Variants in KIF13A observed in about 807,000 individuals in gnomAD.
KIF13A encodes kinesin family member 13A.
In KIF13A, 79 loss-of-function variants were observed where a neutral mutation model predicts 212.2. That is an observed-to-expected ratio of 0.37 (90% CI 0.31 to 0.45). The LOEUF (loss-of-function observed/expected upper bound fraction) is 0.45, where lower values mean the gene tolerates loss of function less well. KIF13A is among the 20% of genes least tolerant of loss of function. The pLI, the probability that KIF13A is intolerant of heterozygous loss-of-function variation, is 1.00. For synonymous variants in KIF13A, 789 were observed against 808.6 expected (o/e 0.98, Z 0.41); for missense variants, 1,901 against 2,209.0 (o/e 0.86, Z 2.79).
rs370773445 is a variant in KIF13A at position 17,771,875 on chromosome 6, A to G, written c.4476+33T>C. 6.8e-6 allele frequency: 11 copies of G among 1,611,060 alleles called. No individual in the cohort carries two copies. In the African/African-American group the frequency reaches 1.2e-4, roughly 18 times the overall value. ...TTCACAGGTGACACAACTCTGCTCT[A>G]TTCTGCATAGTACAGACAAGTCAAG... On this transcript the variant is annotated intron_variant, in intron 37 of 38. Coordinates refer to ENST00000259711, the MANE Select transcript of KIF13A (RefSeq NM_022113.6). The surrounding 1 kb of genome is among the most constrained non-coding windows in gnomAD (Gnocchi z 5.4).
At chr6:17,921,440 AC>A (rs1775061974) in intron 2 of KIF13A, among the ~76,000 whole-genome samples, 1 of 152,246 alleles carries the variant, frequency 6.6e-6, no homozygotes, top group African/African-American at 2.4e-5. Flanking sequence ...TCAGAGACCT[AC>A]TTTTAAAAAT....
intron 16 of KIF13A, among the ~76,000 whole-genome samples, chr6:17,824,572 A>G (rs1272507235): frequency 1.3e-5 from 2 of 152,096 alleles, no homozygotes; most frequent in East Asian, 3.9e-4. Context: ...AGCCTGCCTT[A>G]ACACGGTGAA....
At chr6:17,929,237 T>TG (rs974886208) in intron 2 of KIF13A, among the ~76,000 whole-genome samples, 24 of 151,274 alleles carry the variant, frequency 1.6e-4, no homozygotes, top group African/African-American at 5.8e-4. Context: ...AGAGACAAGG[T>TG]GGGGGGCGCA....
intron 3 of KIF13A, among the ~76,000 whole-genome samples, chr6:17,889,877 G>A (rs1223125761): frequency 6.6e-6 from 1 of 152,122 alleles, no homozygotes; most frequent in Non-Finnish European, 1.5e-5. Context: ...CTTAGCGCCA[G>A]GCATTGTGGC....
rs1013466744 is a variant in KIF13A, at chr6:17,843,563, G to T, written c.830+5814C>A. Among the ~76,000 whole-genome samples the T allele has an allele frequency of 7.2e-5, 11 of 152,148 alleles. No homozygotes were observed. The highest frequency in any genetic ancestry group is 5.9e-5 in the Non-Finnish European group (4 of 68,038). ...TACCACAGATATGGATACGATGTTT[G>T]GAATGATAGAGCTATCCTGAGATCA... On this transcript the variant is annotated intron_variant, in intron 9 of 38. Transcript: ENST00000259711. The surrounding 1 kb of genome is among the most constrained non-coding windows in gnomAD (Gnocchi z 5.3).
chr6:17,894,614 A>G (rs904142024), intron 3 of KIF13A, among the ~76,000 whole-genome samples: 27 of 152,114 alleles, frequency 1.8e-4, no homozygotes, highest in African/African-American at 5.3e-4. Flanking sequence ...TGTTTCCCCA[A>G]TTATTAACAT....
chr6:17,761,544 C>T (rs974999925), downstream of KIF13A, among the ~76,000 whole-genome samples: 2 of 152,004 alleles, frequency 1.3e-5, no homozygotes, highest in African/African-American at 2.4e-5. Flanking sequence ...CCACCACTGC[C>T]GGCTAATTTT....
chr6:17,806,329 T>C (rs1762947142), intron 18 of KIF13A, among the ~76,000 whole-genome samples: 1 of 152,186 alleles, frequency 6.6e-6, no homozygotes, highest in African/African-American at 2.4e-5. Flanking sequence ...ATCATGTCTG[T>C]TTCAAGGTTT....
intron 33 of KIF13A, among the ~76,000 whole-genome samples, 180 bp downstream of exon 33, chr6:17,778,767 A>G (rs1208670347): frequency 6.6e-6 from 1 of 152,214 alleles, no homozygotes; most frequent in Non-Finnish European, 1.5e-5. Context: ...GGGTTATTCA[A>G]TAAAAGTTAG....
chr6:17,941,454 C>T (rs546113923), intron 2 of KIF13A, among the ~76,000 whole-genome samples: 5 of 152,168 alleles, frequency 3.3e-5, no homozygotes, highest in Admixed American at 2.0e-4. Context: ...CCTCAGAATG[C>T]GACATCTGGA....
At position 17,805,352 on chromosome 6, in the gene KIF13A, G is replaced by A. The variant is rs60918508; in HGVS notation, c.2304+123C>T. On this transcript the variant is annotated intron_variant, in intron 19 of 38. Transcript: ENST00000259711. ...TTATTTTCCTAATATAATATCTAAC[G>A]TATCATGAGCACATCTCCGTGTGTG... The A allele has an allele frequency of 2.2e-3, 1,852 of 847,424 alleles. 28 individuals are homozygous for A. In the African/African-American group the frequency reaches 0.029, roughly 13 times the overall value. 52.5% of individuals were successfully genotyped at this position (847,424 alleles called of 1,614,324 possible). A position where few individuals can be genotyped will look rare whatever the true frequency, so the allele number is the denominator to read the frequency against.
intron 9 of KIF13A, among the ~76,000 whole-genome samples, chr6:17,840,165 A>G (rs1766373485): frequency 6.6e-6 from 1 of 152,212 alleles, no homozygotes; most frequent in Admixed American, 6.5e-5. Flanking sequence ...TGATGGCGGT[A>G]CAACTCTGAA....
chr6:17,785,549 G>A lies in KIF13A; in HGVS notation c.3454C>T (p.Pro1152Ser). 2 of 1,596,026 alleles carry A rather than the reference G, an allele frequency of 1.3e-6. No individual in the cohort carries two copies. Among genetic ancestry groups the A allele is most frequent in the Non-Finnish European group, 1.7e-6 (2 of 1,172,134 alleles). Reference sequence around the variant, plus strand: ...GGTGCCCCAGGAATCCCACTGCCTGGGGCTGGCACCAGCACAGCATTCCTT... The same window carrying A: ...GGTGCCCCAGGAATCCCACTGCCTGAGGCTGGCACCAGCACAGCATTCCTT... ...EERNAVLVPA[P>S]GSGIPGAPAD... Residue 1152 changes from proline (P) to serine (S), a missense_variant, in exon 28 of 39, where the codon CCA becomes TCA. Physicochemically the swap from Pro to Ser is moderately conservative, Grantham distance 74. Around this residue, in one of 5 missense-constraint regions of KIF13A, gnomAD observed 168 missense variants for 250.9 expected, o/e 0.67. Coordinates refer to ENST00000259711, the MANE Select transcript of KIF13A (RefSeq NM_022113.6). This position sits in a 1 kb window ranked among gnomAD's most constrained non-coding sequence, Gnocchi z 5.8.
chr6:17,964,771 T>C (rs1779147364), intron 2 of KIF13A, among the ~76,000 whole-genome samples: 1 of 152,150 alleles, frequency 6.6e-6, no homozygotes, highest in Non-Finnish European at 1.5e-5. Flanking sequence ...TTTGATTTTA[T>C]CCCAGATAAC....
chr6:17,948,072 T>C (rs1466101380), intron 2 of KIF13A, among the ~76,000 whole-genome samples: 1 of 152,232 alleles, frequency 6.6e-6, no homozygotes, highest in Non-Finnish European at 1.5e-5. Flanking sequence ...GAAACATCAT[T>C]TAATACTGAG....
rs866880509 is a variant in KIF13A, at chr6:17,968,150, T to C, written c.146+18904A>G. 3.9e-5 allele frequency among the ~76,000 whole-genome samples: 6 copies of C among 152,102 alleles called. No homozygotes were observed. The highest frequency in any genetic ancestry group is 7.4e-5 in the Non-Finnish European group (5 of 68,022). Reference sequence around the variant, plus strand: ...AACTGCCACAAGAGTAAGCAGAAGCTGCAGCATCAACCCAATGGCCAATTA... The same window carrying C: ...AACTGCCACAAGAGTAAGCAGAAGCCGCAGCATCAACCCAATGGCCAATTA... On this transcript the variant is annotated intron_variant, in intron 2 of 38. Transcript: ENST00000259711. This position sits in a 1 kb window ranked among gnomAD's most constrained non-coding sequence, Gnocchi z 4.7.
chr6:17,819,707 G>A (rs1238002376), intron 16 of KIF13A, among the ~76,000 whole-genome samples: 2 of 152,068 alleles, frequency 1.3e-5, no homozygotes, highest in Non-Finnish European at 2.9e-5. Flanking sequence ...CAGAACTTCT[G>A]ACAAACTCCT....
intron 31 of KIF13A, among the ~76,000 whole-genome samples, chr6:17,780,085 T>G (rs1760422733): frequency 6.6e-6 from 1 of 152,148 alleles, no homozygotes; most frequent in Non-Finnish European, 1.5e-5. Flanking sequence ...GCATTACAAG[T>G]TACTATGTTT....
intron 20 of KIF13A, among the ~76,000 whole-genome samples, chr6:17,803,307 C>G (rs573706385): frequency 1.9e-4 from 29 of 152,034 alleles, no homozygotes; most frequent in Non-Finnish European, 3.7e-4. Flanking sequence ...GTTTCAGACT[C>G]CTAACTGTGC....
Sources: gnomAD v4.1 joint callset for allele counts (sites outside exome capture counted in the v4.1 genomes callset) on GRCh38, gnomAD v4.1.1 for gene constraint, gnomAD v4.1.1 regional missense constraint, Gnocchi (gnomAD v3.1) non-coding constraint, MANE v1.5 for transcripts, NCBI Gene and HGNC (gene_info 2026-07-23, HGNC 2026-07-21) for gene names.